Variants in ADAMTS6 observed in about 807,000 individuals in gnomAD.
The protein encoded by ADAMTS6 is ADAM metallopeptidase with thrombospondin type 1 motif 6, also known as A disintegrin and metalloproteinase with thrombospondin motifs 6.
A neutral mutation model predicts 144.3 loss-of-function variants in ADAMTS6; 23 were observed. The observed-to-expected ratio is 0.16, with a 90% CI of 0.11 to 0.23. ADAMTS6 has a LOEUF of 0.23. Ranked by LOEUF, ADAMTS6 falls within the 10% of genes least tolerant of loss-of-function variation. ADAMTS6 has a pLI of 1.00. For synonymous variants in ADAMTS6, 444 were observed against 457.5 expected, an observed-to-expected ratio of 0.97 and a Z score of 0.38; for missense variants, 999 against 1,379.6, an observed-to-expected ratio of 0.72 and a Z score of 4.37.
At chr5:65,184,414 C>A (rs1370498603) in intron 22 of ADAMTS6, among the ~76,000 whole-genome samples, 1 of 152,192 alleles carries the variant, frequency 6.6e-6, no homozygotes, top group Non-Finnish European at 1.5e-5. Context: ...AAACAAAACA[C>A]AGTCCCTTGT....
At chr5:65,177,482 A>C (rs1376117381) in intron 22 of ADAMTS6, among the ~76,000 whole-genome samples, 2 of 152,150 alleles carry the variant, frequency 1.3e-5, no homozygotes, top group Admixed American at 1.3e-4. Flanking sequence ...GGGCATTAGT[A>C]AATTAGGACC....
intron 7 of ADAMTS6, among the ~76,000 whole-genome samples, chr5:65,406,673 G>C (rs1229506344): frequency 2.0e-5 from 3 of 152,082 alleles, no homozygotes; most frequent in African/African-American, 7.2e-5. Context: ...AAATGAGTTG[G>C]GAGGATTGCT....
intron 9 of ADAMTS6, among the ~76,000 whole-genome samples, chr5:65,320,979 T>A (rs186098165): frequency 2.0e-5 from 3 of 152,304 alleles, no homozygotes; most frequent in Non-Finnish European, 4.4e-5. Context: ...ATTTCATGTC[T>A]TTGCTATTGT....
chr5:65,259,967 T>A (rs2112587560), intron 14 of ADAMTS6, among the ~76,000 whole-genome samples: 2 of 152,276 alleles, frequency 1.3e-5, no homozygotes, highest in Middle Eastern at 6.8e-3. Context: ...CAATCCACTT[T>A]GAGGCTCAGT....
intron 20 of ADAMTS6, among the ~76,000 whole-genome samples, chr5:65,197,931 T>C (rs1755490957): frequency 6.6e-6 from 1 of 152,196 alleles, no homozygotes; most frequent in East Asian, 1.9e-4. Flanking sequence ...GGCAAAGATA[T>C]TCACCATAAC....
intron 14 of ADAMTS6, chr5:65,256,474 T>G (rs907705596): frequency 3.3e-5 from 5 of 152,210 alleles, no homozygotes; most frequent in Non-Finnish European, 7.3e-5. Flanking sequence ...TCTGAGCTAG[T>G]AGAGTCAATA....
intron 15 of ADAMTS6, among the ~76,000 whole-genome samples, chr5:65,235,896 G>A (rs6449777): frequency 0.17 from 26,426 of 152,132 alleles, 2,882 homozygotes; most frequent in African/African-American, 0.31. Context: ...ATTACCTTAA[G>A]TTAATGCTTA....
Position 65,232,787 on chromosome 5 carries a change from C to A in ADAMTS6, c.1934-6568G>T, listed in dbSNP as rs578113188. ...CAAACATTTAAAGAAGAATTAATAC[C>A]AATTTTTCTCACACTTTTTCAAAAA... On this transcript the variant is annotated intron_variant, in intron 15 of 24. Coordinates refer to ENST00000381055, the MANE Select transcript of ADAMTS6 (RefSeq NM_197941.4). Among the ~76,000 whole-genome samples, 455 of 151,598 alleles carry A rather than the reference C, an allele frequency of 3.0e-3. 2 individuals are homozygous for A. The highest frequency in any genetic ancestry group is 0.01 in the African/African-American group (430 of 41,370).
At chr5:65,275,464 AAGAG>A (rs931498050) in intron 11 of ADAMTS6, among the ~76,000 whole-genome samples, 1 of 151,126 alleles carries the variant, frequency 6.6e-6, no homozygotes, top group African/African-American at 2.4e-5. Context: ...GAAAGAAAGA[AAGAG>A]AAAGAAAGGG....
At chr5:65,345,809 C>T (rs1393310265) in intron 7 of ADAMTS6, among the ~76,000 whole-genome samples, 1 of 151,552 alleles carries the variant, frequency 6.6e-6, no homozygotes, top group Non-Finnish European at 1.5e-5. Flanking sequence ...AGTTCTGACC[C>T]TATTTACAAA....
At chr5:65,370,433 C>T (rs990440470) in intron 7 of ADAMTS6, among the ~76,000 whole-genome samples, 13 of 152,112 alleles carry the variant, frequency 8.5e-5, no homozygotes, top group Admixed American at 4.6e-4. Context: ...ATGCGTGAGC[C>T]GAAGCAGGGA....
intron 1 of ADAMTS6, among the ~76,000 whole-genome samples, chr5:65,480,424 G>A (rs1393245440): frequency 6.6e-6 from 1 of 151,726 alleles, no homozygotes; most frequent in African/African-American, 2.4e-5. Flanking sequence ...AGACAGCAGC[G>A]CTAAATCTAT....
At chr5:65,358,758 C>A (rs1749570668) in intron 7 of ADAMTS6, among the ~76,000 whole-genome samples, 1 of 151,910 alleles carries the variant, frequency 6.6e-6, no homozygotes, top group African/African-American at 2.4e-5. Context: ...ACAAAGGTGC[C>A]AAGGACAAGT....
At chr5:65,185,446 G>A (rs1310200298) in intron 22 of ADAMTS6, among the ~76,000 whole-genome samples, 1 of 152,158 alleles carries the variant, frequency 6.6e-6, no homozygotes, top group African/African-American at 2.4e-5. Context: ...AGCAGTTTTC[G>A]ACCTGTGCTT....
At chr5:65,378,653 C>T (rs144781630) in intron 7 of ADAMTS6, among the ~76,000 whole-genome samples, 1 of 152,278 alleles carries the variant, frequency 6.6e-6, no homozygotes, top group African/African-American at 2.4e-5. Flanking sequence ...TAACCCCAAA[C>T]ATACTTCTTC....
intron 7 of ADAMTS6, among the ~76,000 whole-genome samples, chr5:65,445,707 T>C (rs1758228107): frequency 6.6e-6 from 1 of 152,058 alleles, no homozygotes; most frequent in South Asian, 2.1e-4. Context: ...AGTTTGTCAG[T>C]CTACATTGAA....
intron 14 of ADAMTS6, among the ~76,000 whole-genome samples, chr5:65,253,812 C>CTTTTTTTTTT (rs759508097): frequency 1.5e-4 from 10 of 66,998 alleles, no homozygotes; most frequent in African/African-American, 2.6e-4. Flanking sequence ...AATATTCAAT[C>CTTTTTTTTTT]TTTTTTTTTT....
chr5:65,366,019 AAT>A (rs1454633011), intron 7 of ADAMTS6, among the ~76,000 whole-genome samples: 1 of 152,078 alleles, frequency 6.6e-6, no homozygotes, highest in African/African-American at 2.4e-5. Flanking sequence ...CAAAAAAAAA[AAT>A]CTCTTTTGGT....
chr5:65,458,473 A>T (rs924955369), intron 4 of ADAMTS6, among the ~76,000 whole-genome samples: 2 of 152,150 alleles, frequency 1.3e-5, no homozygotes, highest in Non-Finnish European at 2.9e-5. Context: ...GTGCAGTGGC[A>T]CAATCTGTGC....
Sources: gnomAD v4.1 joint callset for allele counts (sites outside exome capture counted in the v4.1 genomes callset) on GRCh38, gnomAD v4.1.1 for gene constraint, MANE v1.5 for transcripts, NCBI Gene and HGNC (gene_info 2026-07-23, HGNC 2026-07-21) for gene names.